SCAMP2: variants seen among roughly 807,000 people sequenced by gnomAD.
SCAMP2 encodes secretory carrier membrane protein 2.
A neutral mutation model predicts 44.1 loss-of-function variants in SCAMP2; 25 were observed. That is an observed-to-expected ratio of 0.57 (90% CI 0.41 to 0.79). The LOEUF (loss-of-function observed/expected upper bound fraction) is 0.79, where lower values mean the gene tolerates loss of function less well. Ranked by LOEUF, SCAMP2 falls within the 30% of genes least tolerant of loss-of-function variation. The pLI is 0.00. For synonymous variants in SCAMP2, 156 were observed against 166.0 expected (o/e 0.94, Z 0.46); for missense variants, 355 against 411.0 (o/e 0.86, Z 1.18).
At chr15:74,872,935 C>G (rs1348052263) in intron 1 of SCAMP2, 1 of 435,706 alleles carries the variant, frequency 2.3e-6, no homozygotes, top group African/African-American at 2.1e-5. Context: ...TGCTCCAGTC[C>G]CCTTCCCTAG....
chr15:74,867,405 T>A (rs1307256696), intron 1 of SCAMP2, among the ~76,000 whole-genome samples: 1 of 152,238 alleles, frequency 6.6e-6, no homozygotes, highest in Non-Finnish European at 1.5e-5. Context: ...CCTATCTCTC[T>A]ACCCAAGTTT....
Position 74,845,232 on chromosome 15 carries a change from T to TG in SCAMP2, c.856-16dup, listed in dbSNP as rs1567247723. ...AGGGAGTGCACCTGGCGAAGAGGGG[T>TG]GGGGTGAGAGAAGCCTGTCCTTTGG... On this transcript the variant is annotated splice_polypyrimidine_tract_variant and intron_variant, in intron 8 of 8. Transcript: ENST00000268099. The TG allele has an allele frequency of 6.2e-7, 1 of 1,609,166 alleles. No individual in the cohort carries two copies. The highest frequency in any genetic ancestry group is 8.5e-7 in the Non-Finnish European group (1 of 1,179,218).
chr15:74,844,998 A>AACC lies in SCAMP2; in HGVS notation c.*82_*84dup, dbSNP rs2064386136. 3.4e-6 allele frequency: 5 copies of AACC among 1,478,634 alleles called. No individual in the cohort carries two copies. The highest frequency in any genetic ancestry group is 2.8e-5 in the African/African-American group (2 of 71,930). 91.6% of individuals were successfully genotyped at this position (1,478,634 alleles called of 1,614,324 possible). A position where few individuals can be genotyped will look rare whatever the true frequency, so the allele number is the denominator to read the frequency against. On this transcript the variant is annotated 3_prime_UTR_variant, in exon 9 of 9. Coordinates refer to ENST00000268099, the MANE Select transcript of SCAMP2 (RefSeq NM_005697.5). ...ACCCTGCCAGGTCTGTGCTGGGCAC[A>AACC]ACCACCACCACATAAGGCACCCACG...
At chr15:74,854,974 GTT>G (rs1205211475) in intron 1 of SCAMP2, among the ~76,000 whole-genome samples, 7 of 138,114 alleles carry the variant, frequency 5.1e-5, no homozygotes, top group Non-Finnish European at 7.9e-5. Flanking sequence ...TAGGGAGTGG[GTT>G]TTTTTTTTTT....
In SCAMP2 at chr15:74,845,041, G is replaced by A; in HGVS notation, c.*42C>T. The A allele has an allele frequency of 6.3e-7, 1 of 1,595,808 alleles. No individual in the cohort carries two copies. The highest frequency in any genetic ancestry group is 1.3e-5 in the African/African-American group (1 of 74,730). The stretch of plus-strand genomic sequence containing the variant: ...CACCCACGGAAAGTGCAGCTCAGAA[G>A]GCAGGCGAGAGAAAGGCTGAGGGGG... On this transcript the variant is annotated 3_prime_UTR_variant, in exon 9 of 9. Coordinates refer to ENST00000268099, the MANE Select transcript of SCAMP2 (RefSeq NM_005697.5).
chr15:74,867,029 T>C (rs1306685970), intron 1 of SCAMP2, among the ~76,000 whole-genome samples: 1 of 152,162 alleles, frequency 6.6e-6, no homozygotes, highest in Non-Finnish European at 1.5e-5. Context: ...ACTCCTGACC[T>C]TGTGATCCGC....
intron 1 of SCAMP2, among the ~76,000 whole-genome samples, chr15:74,855,940 C>T (rs192317443): frequency 4.9e-4 from 74 of 152,244 alleles, no homozygotes; most frequent in African/African-American, 1.8e-3. Flanking sequence ...CCTTTCCCAT[C>T]TGATCTCTGC....
At chr15:74,862,529 T>A (rs910243789) in intron 1 of SCAMP2, among the ~76,000 whole-genome samples, 32 of 151,368 alleles carry the variant, frequency 2.1e-4, no homozygotes, top group African/African-American at 7.5e-4. Flanking sequence ...TGAGCCGAGA[T>A]CACACCACTG....
intron 1 of SCAMP2, among the ~76,000 whole-genome samples, chr15:74,863,891 T>A (rs1275225134): frequency 6.6e-6 from 1 of 151,848 alleles, no homozygotes; most frequent in East Asian, 1.9e-4. Context: ...TGAGACACAG[T>A]GTGATCATAG....
At position 74,852,190 on chromosome 15, in the gene SCAMP2, G is replaced by A. The variant is rs1435015164; in HGVS notation, c.226-4C>T. 2.6e-6 allele frequency: 4 copies of A among 1,513,088 alleles called. No homozygotes were observed. Among genetic ancestry groups the A allele is most frequent in the African/African-American group, 1.4e-5 (1 of 70,656 alleles). The allele number at this position is 1,513,088 out of a possible 1,614,324, so 93.7% of individuals were successfully genotyped here. A position where few individuals can be genotyped will look rare whatever the true frequency, so the allele number is the denominator to read the frequency against. ...CCTGGGCTGCAGACACCACGGCCTG[G>A]AGAGAACAGGGGAGGTACAGGGACA... On this transcript the variant is annotated splice_polypyrimidine_tract_variant and splice_region_variant and intron_variant, in intron 3 of 8. Transcript: ENST00000268099.
At chr15:74,859,719 C>T (rs1281743589) in intron 1 of SCAMP2, among the ~76,000 whole-genome samples, 2 of 150,154 alleles carry the variant, frequency 1.3e-5, no homozygotes, top group African/African-American at 2.4e-5. Context: ...CAGGTTGAAG[C>T]GATTCTCGTG....
chr15:74,855,895 A>T (rs904555745), intron 1 of SCAMP2, among the ~76,000 whole-genome samples: 3 of 152,138 alleles, frequency 2.0e-5, no homozygotes, highest in Non-Finnish European at 2.9e-5. Flanking sequence ...CTTTTCATAA[A>T]ATCCAAGAAT....
At position 74,844,070 on chromosome 15, in the gene SCAMP2, C is replaced by T. The variant is rs1350734699; in HGVS notation, c.*1013G>A. 2.0e-5 allele frequency: 3 copies of T among 152,324 alleles called. No individual in the cohort carries two copies. Among genetic ancestry groups the T allele is most frequent in the African/African-American group, 4.8e-5 (2 of 41,420 alleles). 9.4% of individuals were successfully genotyped at this position (152,324 alleles called of 1,614,324 possible). On this transcript the variant is annotated 3_prime_UTR_variant, in exon 9 of 9. Transcript: ENST00000268099. ...GCCCTCCGAGAGATGGCTTATCAGTCCCTGCTGAGGGATGCGGTTCTGGAC... is the reference window on the plus strand; with the variant it reads ...GCCCTCCGAGAGATGGCTTATCAGTTCCTGCTGAGGGATGCGGTTCTGGAC...
chr15:74,860,132 C>A (rs1367717465), intron 1 of SCAMP2, among the ~76,000 whole-genome samples: 1 of 152,170 alleles, frequency 6.6e-6, no homozygotes, highest in Non-Finnish European at 1.5e-5. Context: ...AAGTTTAGGC[C>A]TGGCGCGGTG....
chr15:74,864,101 G>C (rs938567020), intron 1 of SCAMP2, among the ~76,000 whole-genome samples: 1 of 152,026 alleles, frequency 6.6e-6, no homozygotes, highest in South Asian at 2.1e-4. Flanking sequence ...TCACTCTGTC[G>C]TCCAGGCTGG....
intron 1 of SCAMP2, among the ~76,000 whole-genome samples, chr15:74,864,814 C>T (rs1436737914): frequency 6.6e-6 from 1 of 152,146 alleles, no homozygotes; most frequent in Non-Finnish European, 1.5e-5. Context: ...AGGCCAGGCA[C>T]AGTGGCTCAC....
chr15:74,871,074 A>G (rs1035899142), intron 1 of SCAMP2, among the ~76,000 whole-genome samples: 1 of 152,232 alleles, frequency 6.6e-6, no homozygotes, highest in Admixed American at 6.5e-5. Context: ...AACAAGAGGC[A>G]TAGGAGCTCT....
chr15:74,866,946 G>A (rs552548287), intron 1 of SCAMP2, among the ~76,000 whole-genome samples: 6 of 152,112 alleles, frequency 3.9e-5, no homozygotes, highest in Non-Finnish European at 5.9e-5. Context: ...ACAGGTGCCC[G>A]CCATCACGCC....
chr15:74,845,908 A>C (rs1054892104), intron 7 of SCAMP2, among the ~76,000 whole-genome samples: 5 of 152,228 alleles, frequency 3.3e-5, no homozygotes, highest in African/African-American at 1.2e-4. Flanking sequence ...CTGTAATCCC[A>C]GCACTTTGGG....
Sources: allele counts gnomAD v4.1 joint callset (sites outside exome capture counted in the v4.1 genomes callset), GRCh38; gene constraint gnomAD v4.1.1; transcripts MANE v1.5; gene names NCBI Gene and HGNC (gene_info 2026-07-23, HGNC 2026-07-21).